CDK11B: variants seen among roughly 807,000 people sequenced by gnomAD.
CDK11B encodes cyclin-dependent kinase 11B.
Under a neutral mutation model 84.0 loss-of-function variants are expected in CDK11B, and 37 were observed. The ratio of observed to expected loss-of-function variants is 0.44; its 90% confidence interval spans 0.34 to 0.58. CDK11B has a LOEUF of 0.58. CDK11B is among the 20% of genes least tolerant of loss of function. The pLI, the probability that CDK11B is intolerant of heterozygous loss-of-function variation, is 0.02. For missense variants in CDK11B, 427 were observed against 834.0 expected (o/e 0.51, Z 6.01); for synonymous variants, 269 against 309.8 (o/e 0.87, Z 1.38).
chr1:1,656,592 A>G (rs1366534977), intron 2 of CDK11B, among the ~76,000 whole-genome samples: 1 of 152,174 alleles, frequency 6.6e-6, no homozygotes, highest in Non-Finnish European at 1.5e-5. Context: ...GATTAAGATC[A>G]TCCTGGCTGA....
At chr1:1,649,689 A>T in intron 4 of CDK11B, 52 bp from the exon 5 acceptor site, 1 of 1,588,326 alleles carries the variant, frequency 6.3e-7, no homozygotes, top group Non-Finnish European at 8.6e-7. Flanking sequence ...AAAATTTCAC[A>T]TGAAGCCGGG....
chr1:1,643,633 A>G (rs1487120761), intron 6 of CDK11B, among the ~76,000 whole-genome samples: 12 of 145,776 alleles, frequency 8.2e-5, no homozygotes, highest in Admixed American at 4.1e-4. Flanking sequence ...CACGACGGAA[A>G]TATCAACAGA....
At position 1,636,764 on chromosome 1, in the gene CDK11B, C is replaced by A; in HGVS notation, c.1835G>T (p.Gly612Val). ...AGTCAGCAGCTCCCCGAAGATGCAA[C>A]CCACTGACCACATGTCCACGGCCGT... ...YSTAVDMWSVGCIFGELLTQK... is the reference protein window; with the variant it reads ...YSTAVDMWSVVCIFGELLTQK... Residue 612 changes from glycine to valine, a missense_variant, in exon 17 of 20, where the codon GGT (glycine) becomes GTT (valine). Physicochemically the swap from Gly to Val is moderately radical, Grantham distance 109. Transcript: ENST00000341832. The A allele has an allele frequency of 6.2e-7, 1 of 1,613,954 alleles. No individual in the cohort carries two copies. The highest frequency in any genetic ancestry group is 8.5e-7 in the Non-Finnish European group (1 of 1,179,860).
chr1:1,651,381 T>A (rs1641976672), intron 4 of CDK11B, among the ~76,000 whole-genome samples: 1 of 151,598 alleles, frequency 6.6e-6, no homozygotes, highest in Non-Finnish European at 1.5e-5. Flanking sequence ...TGGTTTTCGG[T>A]CTGTGATACA....
intron 2 of CDK11B, among the ~76,000 whole-genome samples, chr1:1,657,021 T>C (rs1642842912): frequency 1.3e-5 from 2 of 152,204 alleles, no homozygotes; most frequent in Non-Finnish European, 2.9e-5. Context: ...GTAAAATATT[T>C]ATATTAATTT....
Position 1,636,700 on chromosome 1 carries a change from C to G in CDK11B, c.1899G>C (p.Gln633His), listed in dbSNP as rs1230454139. 1 of 1,613,902 alleles carries G rather than the reference C, an allele frequency of 6.2e-7. No homozygotes were observed. Among genetic ancestry groups the G allele is most frequent in the Non-Finnish European group, 8.5e-7 (1 of 1,179,888 alleles). The change falls in exon 17 of 20, where the codon CAG becomes CAC. Residue 633 changes from glutamine to histidine, a missense_variant. By Grantham distance (24) the Gln-to-His change is conservative (BLOSUM62 0). Around this residue, in one of 12 missense-constraint regions of CDK11B, gnomAD observed 170 missense variants for 196.0 expected, o/e 0.87. Transcript: ENST00000341832. ...PLFPGKSEID[Q>H]INKVFKDLGT... ...GACCCACCTTGAACACCTTGTTGAT[C>G]TGATCGATTTCTGACTTCCCGGGGA...
At chr1:1,644,751 G>C (rs1640780263) in intron 6 of CDK11B, among the ~76,000 whole-genome samples, 1 of 152,202 alleles carries the variant, frequency 6.6e-6, no homozygotes, top group African/African-American at 2.4e-5. Flanking sequence ...CAGCACTTTG[G>C]GAGGCCGAGG....
At chr1:1,637,659 A>C (rs1315332419) in intron 13 of CDK11B, 103 bp downstream of exon 13, 1 of 1,609,240 alleles carries the variant, frequency 6.2e-7, no homozygotes, top group African/African-American at 1.3e-5. Context: ...GAAGGGCTCC[A>C]CTAAGTGCAG....
At chr1:1,648,617 A>G (rs1641481642) in intron 5 of CDK11B, among the ~76,000 whole-genome samples, 1 of 152,032 alleles carries the variant, frequency 6.6e-6, no homozygotes, top group Non-Finnish European at 1.5e-5. Flanking sequence ...CCTGGCCTAC[A>G]GCCTTTTTCC....
chr1:1,654,001 T>C (rs1642385964), intron 3 of CDK11B: 1 of 394,734 alleles, frequency 2.5e-6, no homozygotes, highest in Non-Finnish European at 5.0e-6. Context: ...AGGGTAAGAC[T>C]CTGTGTCAAA....
rs747228446 is a variant in CDK11B at position 1,637,412 on chromosome 1, C to T, written c.1566G>A (p.Leu522=). 6.2e-7 allele frequency: 1 copy of T among 1,613,582 alleles called. No individual in the cohort carries two copies. The highest frequency in any genetic ancestry group is 2.2e-5 in the East Asian group (1 of 44,876). The change falls in exon 14 of 20, where the codon CTG becomes CTA. Residue 522 remains leucine (L), a synonymous_variant. Coordinates refer to ENST00000341832, the MANE Select transcript of CDK11B (RefSeq NM_033486.3). ...GCCCCTGGGGCGCGGCTGTACCTGG[C>T]AGGAAGGGCTGTTTCATGGTCTCCA... is the stretch of plus-strand genomic sequence containing the variant. The part of the protein sequence containing the change: ...SLMETMKQPF[L]PGEVKTLMIQ...
At chr1:1,652,927 G>C (rs1361421450) in intron 3 of CDK11B, among the ~76,000 whole-genome samples, 2 of 152,062 alleles carry the variant, frequency 1.3e-5, no homozygotes, top group Non-Finnish European at 2.9e-5. Context: ...GTTTTACCAT[G>C]TTAGCCAGGA....
intron 13 of CDK11B, 60 bp from the exon 14 acceptor site, chr1:1,637,573 C>G: frequency 6.2e-7 from 1 of 1,607,134 alleles, no homozygotes; most frequent in Non-Finnish European, 8.5e-7. Context: ...CCCCTGCACC[C>G]GGGTGCAGCT....
chr1:1,643,617 CGT>C, intron 6 of CDK11B, among the ~76,000 whole-genome samples: 1 of 146,190 alleles, frequency 6.8e-6, no homozygotes, highest in Non-Finnish European at 1.5e-5. Context: ...GAAAATGACG[CGT>C]GAACACGACG....
chr1:1,642,608 CA>C, intron 6 of CDK11B, 100 bp from the exon 7 acceptor site: 1 of 132,942 alleles, frequency 7.5e-6, no homozygotes, highest in Non-Finnish European at 1.3e-5. Context: ...CCGCACCTGG[CA>C]GACACACCCA....
Position 1,636,137 on chromosome 1 carries a change from A to C in CDK11B, c.2067-11T>G. On this transcript the variant is annotated splice_polypyrimidine_tract_variant and intron_variant, in intron 18 of 19. Coordinates refer to ENST00000341832, the MANE Select transcript of CDK11B (RefSeq NM_033486.3). The stretch of plus-strand genomic sequence containing the variant: ...AAGTAGGTCAGGAACCTGGGGGGAG[A>C]GGGCCAGAGGCCCAGGAGGTGCTCG... The C allele has an allele frequency of 3.6e-6, 2 of 561,228 alleles. No homozygotes were observed. Among genetic ancestry groups the C allele is most frequent in the Non-Finnish European group, 6.1e-6 (2 of 326,682 alleles). 34.8% of individuals were successfully genotyped at this position (561,228 alleles called of 1,614,324 possible).
At chr1:1,650,818 TA>T (rs1270610495) in intron 4 of CDK11B, among the ~76,000 whole-genome samples, 49 of 151,520 alleles carry the variant, frequency 3.2e-4, no homozygotes, top group African/African-American at 1.1e-3. Context: ...TTATGTTAAA[TA>T]AAAAACTTTG....
At position 1,637,491 on chromosome 1, in the gene CDK11B, A is replaced by G. The variant is rs745898300; in HGVS notation, c.1487T>C (p.Met496Thr). The G allele has an allele frequency of 4.3e-6, 7 of 1,613,354 alleles. No homozygotes were observed. The highest frequency in any genetic ancestry group is 4.2e-6 in the Non-Finnish European group (5 of 1,179,574). The change falls in exon 14 of 20, where the codon ATG becomes ACG. Residue 496 changes from methionine (M) to threonine (T), a missense_variant. By Grantham distance (81) the Met-to-Thr change is moderately conservative (BLOSUM62 -1). Coordinates refer to ENST00000341832, the MANE Select transcript of CDK11B (RefSeq NM_033486.3). Reference protein sequence around the residue: ...TVREIVVGSNMDKIYIVMNYV... With the variant: ...TVREIVVGSNTDKIYIVMNYV... ...GTTCATCACGATGTAGATCTTGTCC[A>G]TGTTGCTGCCCACCACAATCTCCTG...
At chr1:1,657,219 T>A in intron 2 of CDK11B, 156 bp downstream of exon 2, 11 of 1,613,974 alleles carry the variant, frequency 6.8e-6, no homozygotes, top group Non-Finnish European at 9.3e-6. Context: ...AATATTTGAA[T>A]GTTTTTGTTA....
Sources: gnomAD v4.1 joint callset for allele counts (sites outside exome capture counted in the v4.1 genomes callset) on GRCh38, gnomAD v4.1.1 for gene constraint, gnomAD v4.1.1 regional missense constraint, MANE v1.5 for transcripts, NCBI Gene and HGNC (gene_info 2026-07-23, HGNC 2026-07-21) for gene names.